Variants in GHRHR observed in about 807,000 individuals in gnomAD.
GHRHR encodes growth hormone-releasing hormone receptor.
GHRHR carries 40 observed loss-of-function variants against 58.3 expected under a neutral mutation model. The observed-to-expected ratio is 0.69, with a 90% CI of 0.53 to 0.89. GHRHR has a LOEUF of 0.89. GHRHR is among the 40% of genes least tolerant of loss of function. GHRHR has a pLI of 0.00. For missense variants in GHRHR, 551 were observed against 541.3 expected (o/e 1.02, Z -0.18); for synonymous variants, 249 against 216.6 (o/e 1.15, Z -1.31).
chr7:30,979,354 GC>G lies in GHRHR; in HGVS notation c.*113del, dbSNP rs1339022083. ...ACATCCCCACCCCAGCTGTTACCCAGCCCGGGGCAGGTGCAGCCCTTCCTCC... is the reference window on the plus strand; with the variant it reads ...ACATCCCCACCCCAGCTGTTACCCAGCCGGGGCAGGTGCAGCCCTTCCTCC... On this transcript the variant is annotated 3_prime_UTR_variant, in exon 13 of 13. Transcript: ENST00000326139. 9.1e-7 allele frequency: 1 copy of G among 1,095,510 alleles called. No individual in the cohort carries two copies. Among genetic ancestry groups the G allele is most frequent in the East Asian group, 2.6e-5 (1 of 38,686 alleles). The allele number at this position is 1,095,510 out of a possible 1,614,324, so 67.9% of individuals were successfully genotyped here.
chr7:30,964,210 C>A, intron 1 of GHRHR, 85 bp downstream of exon 1: 1 of 1,180,564 alleles, frequency 8.5e-7, no homozygotes, highest in Non-Finnish European at 1.2e-6. Flanking sequence ...CTGGCGGAGA[C>A]CCTACTGCCC....
chr7:30,964,091 C>T lies in GHRHR; in HGVS notation c.23C>T (p.Ala8Val). The change falls in exon 1 of 13, where the codon GCC becomes GTC. Residue 8 changes from alanine (A) to valine (V), a missense_variant. Coordinates refer to ENST00000326139, the MANE Select transcript of GHRHR (RefSeq NM_000823.4). Reference sequence around the variant, plus strand: ...ACCATGGACCGCCGGATGTGGGGGGCCCACGTCTTCTGCGTGTTGAGCCCG... The same window carrying T: ...ACCATGGACCGCCGGATGTGGGGGGTCCACGTCTTCTGCGTGTTGAGCCCG... Reference protein sequence around the residue: MDRRMWGAHVFCVLSPLP... With the variant: MDRRMWGVHVFCVLSPLP... 4 of 1,550,312 alleles carry T rather than the reference C, an allele frequency of 2.6e-6. No homozygotes were observed. In the South Asian group the frequency reaches 4.8e-5, roughly 18 times the overall value.
At chr7:30,970,978 C>G in intron 4 of GHRHR, 141 bp from the exon 5 acceptor site, 1 of 697,510 alleles carries the variant, frequency 1.4e-6, no homozygotes, top group Non-Finnish European at 2.6e-6. Flanking sequence ...GGGAGCTTTC[C>G]ATGGTACTCG....
chr7:30,977,465 G>A, intron 12 of GHRHR, 143 bp downstream of exon 12: 1 of 773,044 alleles, frequency 1.3e-6, no homozygotes, highest in Non-Finnish European at 2.4e-6. Flanking sequence ...AGTCTGTCCT[G>A]AGCTTCTGGA....
chr7:30,966,094 G>C (rs964229751), intron 1 of GHRHR, among the ~76,000 whole-genome samples: 19 of 152,328 alleles, frequency 1.2e-4, no homozygotes, highest in African/African-American at 4.6e-4. Context: ...GGGTCAGCAG[G>C]GCGGGACAGG....
intron 12 of GHRHR, among the ~76,000 whole-genome samples, chr7:30,978,529 C>T (rs140803726): frequency 5.3e-5 from 8 of 152,148 alleles, no homozygotes; most frequent in South Asian, 2.1e-4. Context: ...AACCCCAGTT[C>T]GGCTCTACTG....
At chr7:30,970,795 C>G (rs1213824311) in intron 4 of GHRHR, among the ~76,000 whole-genome samples, 1 of 152,228 alleles carries the variant, frequency 6.6e-6, no homozygotes, top group African/African-American at 2.4e-5. Context: ...AATAAACAAG[C>G]TGATTTCCTC....
Position 30,973,965 on chromosome 7 carries a change from A to T in GHRHR, c.598-20A>T, listed in dbSNP as rs767809075. On this transcript the variant is annotated intron_variant, in intron 6 of 12. Transcript: ENST00000326139. ...CCAGTGGGTGTCCCAGCTCTGAAGC[A>T]CCCAGGTCCTGGCCCCCAGGTTCTA... 8.1e-6 allele frequency: 13 copies of T among 1,611,762 alleles called. No homozygotes were observed. The highest frequency in any genetic ancestry group is 1.0e-5 in the Non-Finnish European group (12 of 1,179,520).
chr7:30,972,048 GC>G lies in GHRHR; in HGVS notation c.551del (p.Ala184ValfsTer31). 6.2e-7 allele frequency: 1 copy of G among 1,614,044 alleles called. No homozygotes were observed. The highest frequency in any genetic ancestry group is 2.2e-5 in the East Asian group (1 of 44,858). ...LKAGAVFLKD[A>X]ALFHSDDTDH... ...GGCGGGAGCTGTGTTCCTGAAGGAT[GC>G]TGCCCTTTTCCACAGCGACGACACT... On this transcript the variant is annotated frameshift_variant, in exon 6 of 13. Transcript: ENST00000326139. LOFTEE classifies it high-confidence loss of function.
At chr7:30,971,530 GC>G (rs1562593727) in intron 5 of GHRHR, among the ~76,000 whole-genome samples, 1 of 151,960 alleles carries the variant, frequency 6.6e-6, no homozygotes, top group East Asian at 1.9e-4. Context: ...CCTGCCCAGA[GC>G]CCCTCTTGAC....
At chr7:30,967,508 C>G (rs990978500) in intron 1 of GHRHR, among the ~76,000 whole-genome samples, 1 of 152,248 alleles carries the variant, frequency 6.6e-6, no homozygotes, top group South Asian at 2.1e-4. Context: ...GGTTATGATC[C>G]TTTCATCTAC....
chr7:30,978,989 C>T (rs1562596072), intron 12 of GHRHR, 130 bp from the exon 13 acceptor site: 3 of 864,718 alleles, frequency 3.5e-6, no homozygotes, highest in Non-Finnish European at 5.9e-6. Flanking sequence ...TACCTGTTGC[C>T]AAGCATGACT....
At chr7:30,971,001 CCT>C in intron 4 of GHRHR, 116 bp from the exon 5 acceptor site, 1 of 705,088 alleles carries the variant, frequency 1.4e-6, no homozygotes, top group Non-Finnish European at 2.6e-6. Flanking sequence ...GACACCTCTG[CCT>C]CCAGATGGGG....
intron 3 of GHRHR, 138 bp from the exon 4 acceptor site, chr7:30,969,728 TC>T (rs1792440562): frequency 1.2e-6 from 1 of 841,084 alleles, no homozygotes; most frequent in Non-Finnish European, 2.1e-6. Flanking sequence ...GCCCCAGGCC[TC>T]TGGAGCCACC....
Position 30,963,995 on chromosome 7 carries a change from T to C in GHRHR, c.-74T>C. The C allele has an allele frequency of 7.3e-7, 1 of 1,372,118 alleles. No homozygotes were observed. The highest frequency in any genetic ancestry group is 1.4e-5 in the African/African-American group (1 of 69,842). The allele number at this position is 1,372,118 out of a possible 1,614,324, so 85.0% of individuals were successfully genotyped here. On this transcript the variant is annotated 5_prime_UTR_variant, in exon 1 of 13. Coordinates refer to ENST00000326139, the MANE Select transcript of GHRHR (RefSeq NM_000823.4). ...AGAGGGTGCGGTGGAAACGGCTGTG[T>C]CAGGGGACAGCAGGGGAAGGAAGAT...
In GHRHR at chr7:30,971,217, G is replaced by A. The variant is rs763509630; in HGVS notation, c.464+1G>A. 7.3e-7 allele frequency: 1 copy of A among 1,374,146 alleles called. No homozygotes were observed. Among genetic ancestry groups the A allele is most frequent in the Non-Finnish European group, 1.0e-6 (1 of 983,290 alleles). 85.1% of individuals were successfully genotyped at this position (1,374,146 alleles called of 1,614,324 possible). On this transcript the variant is annotated splice_donor_variant, in intron 5 of 12. Coordinates refer to ENST00000326139, the MANE Select transcript of GHRHR (RefSeq NM_000823.4). LOFTEE classifies it high-confidence loss of function. ...CCATCACCATCCTGGTTGCTCTCAG[G>A]TTTGTCATCCTCATCACCAGCTCAA...
At chr7:30,972,565 C>A (rs1792500895) in intron 6 of GHRHR, among the ~76,000 whole-genome samples, 1 of 152,052 alleles carries the variant, frequency 6.6e-6, no homozygotes, top group Non-Finnish European at 1.5e-5. Context: ...GAGGAGAGGA[C>A]CCTGGAGCTG....
At position 30,971,175 on chromosome 7, in the gene GHRHR, T is replaced by C. The variant is rs868202216; in HGVS notation, c.423T>C (p.Ile141=). The change falls in exon 5 of 13, where the codon ATT becomes ATC. Residue 141 remains isoleucine, a synonymous_variant. Coordinates refer to ENST00000326139, the MANE Select transcript of GHRHR (RefSeq NM_000823.4). The stretch of plus-strand genomic sequence containing the variant: ...ACACCGTGGGCCATAGCATCTCTAT[T>C]GTAGCCCTCTTCGTGGCCATCACCA... The part of the protein sequence containing the change: ...IIYTVGHSIS[I]VALFVAITIL... The C allele has an allele frequency of 2.0e-6, 3 of 1,534,240 alleles. No individual in the cohort carries two copies. Among genetic ancestry groups the C allele is most frequent in the Middle Eastern group, 3.4e-4 (2 of 5,966 alleles).
Position 30,974,987 on chromosome 7 carries a change from G to A in GHRHR, c.829G>A (p.Asp277Asn), listed in dbSNP as rs774670785. The A allele has an allele frequency of 1.1e-5, 17 of 1,612,532 alleles. 1 individual carries two copies. The highest frequency in any genetic ancestry group is 9.9e-5 in the South Asian group (9 of 91,012). The change falls in exon 9 of 13, where the codon GAC becomes AAC. Residue 277 changes from aspartate to asparagine, a missense_variant. Transcript: ENST00000326139. ...FEDIACWDLD[D>N]TSPYWWIIKG... ...TCTCCCCAGGTGCTGGGACCTGGAC[G>A]ACACCTCCCCCTACTGGTGGATCAT...
Sources: allele counts gnomAD v4.1 joint callset (sites outside exome capture counted in the v4.1 genomes callset), GRCh38; gene constraint gnomAD v4.1.1; transcripts MANE v1.5; gene names NCBI Gene and HGNC (gene_info 2026-07-23, HGNC 2026-07-21).